DENND4A: variants seen among roughly 807,000 people sequenced by gnomAD.
The protein encoded by DENND4A is C-myc promoter-binding protein.
DENND4A carries 70 observed loss-of-function variants against 199.3 expected under a neutral mutation model. The ratio of observed to expected loss-of-function variants is 0.35; its 90% CI spans 0.29 to 0.43. The LOEUF (loss-of-function observed/expected upper bound fraction) is 0.43, where lower values mean the gene tolerates loss of function less well. Ranked by LOEUF, DENND4A falls within the 20% of genes least tolerant of loss-of-function variation. The pLI, the probability that DENND4A is intolerant of heterozygous loss-of-function variation, is 1.00. For synonymous variants in DENND4A, 686 were observed against 766.9 expected (o/e 0.89, Z 1.74); for missense variants, 1,723 against 2,255.8 (o/e 0.76, Z 4.78).
chr15:65,659,310 T>G lies in DENND4A; in HGVS notation c.*2541A>C, dbSNP rs1262514948. On this transcript the variant is annotated 3_prime_UTR_variant, in exon 33 of 33. Transcript: ENST00000443035. Reference sequence around the variant, plus strand: ...TTTGTATAGAGTTATTTTAAATGATTGATATTTTCTGGTTTTTTTTTTTTT... The same window carrying G: ...TTTGTATAGAGTTATTTTAAATGATGGATATTTTCTGGTTTTTTTTTTTTT... 1 of 147,178 alleles carries G rather than the reference T, an allele frequency of 6.8e-6. No individual in the cohort carries two copies. Among genetic ancestry groups the G allele is most frequent in the Non-Finnish European group, 1.5e-5 (1 of 67,192 alleles). The allele number at this position is 147,178 out of a possible 1,614,324, so 9.1% of individuals were successfully genotyped here. A position where few individuals can be genotyped will look rare whatever the true frequency, so the allele number is the denominator to read the frequency against.
At chr15:65,720,161 C>CA (rs1326886602) in intron 12 of DENND4A, among the ~76,000 whole-genome samples, 1 of 152,042 alleles carries the variant, frequency 6.6e-6, no homozygotes, top group African/African-American at 2.4e-5. Context: ...CAGTAATTCT[C>CA]AATGTTAATT....
At chr15:65,751,693 T>G (rs2076566965) in intron 4 of DENND4A, among the ~76,000 whole-genome samples, 2 of 152,186 alleles carry the variant, frequency 1.3e-5, no homozygotes, top group African/African-American at 4.8e-5. Flanking sequence ...ATATTTCTTC[T>G]TCATTGCACT....
At chr15:65,703,989 C>T (rs1373679137) in intron 15 of DENND4A, among the ~76,000 whole-genome samples, 1 of 152,022 alleles carries the variant, frequency 6.6e-6, no homozygotes, top group Non-Finnish European at 1.5e-5. Flanking sequence ...AAGAAGAAAC[C>T]TAACTATAAT....
At chr15:65,669,116 A>C (rs2076138754) in intron 27 of DENND4A, among the ~76,000 whole-genome samples, 1 of 152,232 alleles carries the variant, frequency 6.6e-6, no homozygotes, top group Non-Finnish European at 1.5e-5. Flanking sequence ...TAGACCGGTG[A>C]TGAAAGAAGG....
intron 1 of DENND4A, among the ~76,000 whole-genome samples, chr15:65,779,933 T>A (rs1433978624): frequency 6.6e-6 from 1 of 150,970 alleles, no homozygotes; most frequent in African/African-American, 2.4e-5. Context: ...AGAAATGGGG[T>A]CTAGCTATGT....
intron 14 of DENND4A, among the ~76,000 whole-genome samples, chr15:65,711,056 G>A (rs961556358): frequency 6.6e-6 from 1 of 152,146 alleles, no homozygotes; most frequent in Non-Finnish European, 1.5e-5. Context: ...TCCAGATGCA[G>A]GTATTTCTTT....
chr15:65,660,431 A>C lies in DENND4A; in HGVS notation c.*1420T>G, dbSNP rs2075816569. ...TGGACTCTACTGGCTTTATACACCT[A>C]ATTTGGGACTATCCATTTTTTCCTT... is the stretch of plus-strand genomic sequence containing the variant. On this transcript the variant is annotated 3_prime_UTR_variant, in exon 33 of 33. Transcript: ENST00000443035. The C allele has an allele frequency of 5.6e-6, 4 of 709,586 alleles. No homozygotes were observed. The highest frequency in any genetic ancestry group is 2.8e-5 in the East Asian group (1 of 35,596). 44.0% of individuals were successfully genotyped at this position (709,586 alleles called of 1,614,324 possible).
intron 29 of DENND4A, among the ~76,000 whole-genome samples, chr15:65,666,846 A>T (rs1596382173): frequency 6.6e-6 from 1 of 152,020 alleles, no homozygotes; most frequent in East Asian, 1.9e-4. Context: ...GGCCTAACTC[A>T]CAAATCTGCT....
intron 1 of DENND4A, among the ~76,000 whole-genome samples, chr15:65,768,382 A>C (rs978942189): frequency 6.6e-6 from 1 of 152,106 alleles, no homozygotes; most frequent in Non-Finnish European, 1.5e-5. Flanking sequence ...AAAATGTACA[A>C]CTCCAGGAAT....
chr15:65,722,804 T>C (rs2075687528), intron 12 of DENND4A, 44 bp downstream of exon 12: 5 of 1,414,724 alleles, frequency 3.5e-6, no homozygotes, highest in Non-Finnish European at 4.7e-6. Context: ...TTGGAGTCCC[T>C]TTTTCAGATT....
At chr15:65,775,291 AG>A (rs1442399261) in intron 1 of DENND4A, among the ~76,000 whole-genome samples, 2 of 151,928 alleles carry the variant, frequency 1.3e-5, no homozygotes, top group African/African-American at 4.8e-5. Context: ...GGCTATAGTG[AG>A]CTATGATCAC....
At chr15:65,725,061 C>T (rs1019085639) in intron 11 of DENND4A, among the ~76,000 whole-genome samples, 2 of 152,124 alleles carry the variant, frequency 1.3e-5, no homozygotes, top group African/African-American at 4.8e-5. Context: ...TGCCTCTTTC[C>T]TTTGATATCT....
chr15:65,788,786 T>C (rs1183220557), intron 1 of DENND4A, among the ~76,000 whole-genome samples: 2 of 135,130 alleles, frequency 1.5e-5, no homozygotes, highest in Non-Finnish European at 3.1e-5. Flanking sequence ...GCCCAGGAGG[T>C]GGAGGTTGCA....
intron 30 of DENND4A, chr15:65,664,949 T>C (rs1332969220): frequency 1.0e-5 from 5 of 491,854 alleles, no homozygotes; most frequent in Non-Finnish European, 1.8e-5. Context: ...ACTAAGAATA[T>C]TGTTTCCCTT....
intron 2 of DENND4A, among the ~76,000 whole-genome samples, chr15:65,759,563 AT>A (rs2076800351): frequency 6.6e-6 from 1 of 152,172 alleles, no homozygotes; most frequent in Non-Finnish European, 1.5e-5. Flanking sequence ...CTATGCAGCA[AT>A]TTCCTTACAT....
chr15:65,756,512 G>T, intron 2 of DENND4A, 40 bp from the exon 3 acceptor site: 2 of 1,433,622 alleles, frequency 1.4e-6, no homozygotes, highest in Non-Finnish European at 9.4e-7. Flanking sequence ...CCTATAATAA[G>T]CAAAATAAAT....
intron 7 of DENND4A, among the ~76,000 whole-genome samples, chr15:65,736,036 G>C (rs915089076): frequency 1.3e-5 from 2 of 152,076 alleles, no homozygotes; most frequent in South Asian, 4.2e-4. Context: ...TTACAATTTC[G>C]CCACCATGAG....
Position 65,664,638 on chromosome 15 carries a change from A to T in DENND4A, c.5444T>A (p.Ile1815Asn). Reference sequence around the variant, plus strand: ...TGGTCCATAGACATCATTCATTTTAATGCTTTTTACCATACTTTTCAACAG... The same window carrying T: ...TGGTCCATAGACATCATTCATTTTATTGCTTTTTACCATACTTTTCAACAG... The part of the protein sequence containing the change: ...QELLKSMVKS[I>N]KMNDVYGPMS... Residue 1815 changes from isoleucine (I) to asparagine (N), a missense_variant, in exon 31 of 33, where the codon ATT becomes AAT. Coordinates refer to ENST00000443035, the MANE Select transcript of DENND4A (RefSeq NM_001320835.1). 6.2e-7 allele frequency: 1 copy of T among 1,612,954 alleles called. No homozygotes were observed.
intron 7 of DENND4A, 102 bp downstream of exon 7, chr15:65,737,605 T>C: frequency 8.4e-7 from 1 of 1,188,616 alleles, no homozygotes; most frequent in Non-Finnish European, 1.2e-6. Context: ...AAATAACTCT[T>C]GAGAAATCTA....
Sources: gnomAD v4.1 joint callset for allele counts (sites outside exome capture counted in the v4.1 genomes callset) on GRCh38, gnomAD v4.1.1 for gene constraint, MANE v1.5 for transcripts, NCBI Gene and HGNC (gene_info 2026-07-23, HGNC 2026-07-21) for gene names.